The following NAALADL2 variants were observed in gnomAD, a reference collection of about 807,000 sequenced individuals.
The protein encoded by NAALADL2 is inactive N-acetylated-alpha-linked acidic dipeptidase-like protein 2.
A neutral mutation model predicts 87.2 loss-of-function variants in NAALADL2; 76 were observed. The ratio of observed to expected loss-of-function variants is 0.87; its 90% CI spans 0.72 to 1.05. The LOEUF (loss-of-function observed/expected upper bound fraction) is 1.05. Among genes scored for constraint, NAALADL2 ranks in the 50% least tolerant of loss-of-function variants. NAALADL2 has a pLI of 0.00. For missense variants in NAALADL2, 1,089 were observed against 945.8 expected (o/e 1.15, Z -1.99); for synonymous variants, 354 against 331.0 (o/e 1.07, Z -0.75).
In NAALADL2 at chr3:175,096,699, A is replaced by G. The variant is rs1721219239; in HGVS notation, c.44-91A>G. 4 of 706,612 alleles carry G rather than the reference A, an allele frequency of 5.7e-6. No individual in the cohort carries two copies. The South Asian group carries it at 1.5e-4, about 26-fold the overall frequency. 43.8% of individuals were successfully genotyped at this position (706,612 alleles called of 1,614,324 possible). On this transcript the variant is annotated intron_variant, in intron 1 of 13. Coordinates refer to ENST00000454872, the MANE Select transcript of NAALADL2 (RefSeq NM_207015.3). The stretch of plus-strand genomic sequence containing the variant: ...TTTCCCTGTATTATAATCATTAAAC[A>G]CTCAATATGGCTTACTGTTTTGTTT...
chr3:174,899,945 A>G (rs1347642417), intron 1 of NAALADL2, among the ~76,000 whole-genome samples: 2 of 152,136 alleles, frequency 1.3e-5, no homozygotes, highest in Non-Finnish European at 2.9e-5. Context: ...TGTTAGCAAG[A>G]TAAGTGTAGG....
chr3:175,030,542 A>G (rs1313404021), intron 1 of NAALADL2, among the ~76,000 whole-genome samples: 1 of 152,064 alleles, frequency 6.6e-6, no homozygotes, highest in Non-Finnish European at 1.5e-5. Flanking sequence ...GGAAGATTTG[A>G]TAGGATTTTA....
chr3:175,429,474 G>T (rs1318323039), intron 5 of NAALADL2, among the ~76,000 whole-genome samples: 2 of 151,856 alleles, frequency 1.3e-5, no homozygotes, highest in African/African-American at 4.8e-5. Flanking sequence ...TTGCTTAGAA[G>T]GTTTCTGGAG....
At chr3:174,738,675 A>G (rs1408199441) in intron 3 of NAALADL2, among the ~76,000 whole-genome samples, 1 of 152,152 alleles carries the variant, frequency 6.6e-6, no homozygotes, top group Non-Finnish European at 1.5e-5. Context: ...GATTGAATTA[A>G]TTTCTAAGGT....
chr3:175,150,232 A>G (rs1418888130), intron 2 of NAALADL2, among the ~76,000 whole-genome samples: 5 of 152,236 alleles, frequency 3.3e-5, no homozygotes, highest in Admixed American at 3.3e-4. Context: ...TTTAAAAGCC[A>G]TTGAGGTAGG....
chr3:174,462,592 C>G (rs1716281344), intron 1 of NAALADL2, among the ~76,000 whole-genome samples: 1 of 152,048 alleles, frequency 6.6e-6, no homozygotes, highest in African/African-American at 2.4e-5. Flanking sequence ...GATCCGGATT[C>G]AAAATTGCCA....
intron 1 of NAALADL2, among the ~76,000 whole-genome samples, chr3:174,510,430 T>C (rs1719523983): frequency 6.6e-6 from 1 of 152,122 alleles, no homozygotes; most frequent in Non-Finnish European, 1.5e-5. Flanking sequence ...TCTTTGAGAA[T>C]GGTTATTTGT....
intron 2 of NAALADL2, among the ~76,000 whole-genome samples, chr3:174,642,730 T>A (rs9844094): frequency 0.052 from 7,474 of 144,850 alleles, 735 homozygotes; most frequent in African/African-American, 0.18. Context: ...AAAAGTAATA[T>A]CAGTGCCATG....
chr3:175,734,609 G>A (rs750841014), intron 11 of NAALADL2, among the ~76,000 whole-genome samples: 9 of 152,122 alleles, frequency 5.9e-5, no homozygotes, highest in Non-Finnish European at 8.8e-5. Context: ...ACAATTCTTG[G>A]CTTCTGTGTA....
intron 12 of NAALADL2, 77 bp from the exon 13 acceptor site, chr3:175,755,143 A>T: frequency 8.1e-7 from 1 of 1,229,530 alleles, no homozygotes; most frequent in Non-Finnish European, 1.2e-6. Flanking sequence ...CTTATAACTT[A>T]GATTCCTGAT....
intron 1 of NAALADL2, among the ~76,000 whole-genome samples, chr3:174,861,971 G>A (rs1313387522): frequency 3.3e-5 from 5 of 151,700 alleles, no homozygotes; most frequent in African/African-American, 1.2e-4. Flanking sequence ...ATTTTAATTA[G>A]CTTTTCAAAC....
chr3:175,109,934 T>C (rs1723887410), intron 2 of NAALADL2, among the ~76,000 whole-genome samples: 1 of 151,870 alleles, frequency 6.6e-6, no homozygotes, highest in Non-Finnish European at 1.5e-5. Context: ...ATTTGTAACA[T>C]TCCATGTGGA....
At chr3:175,392,562 T>G (rs190020961) in intron 5 of NAALADL2, among the ~76,000 whole-genome samples, 1 of 152,290 alleles carries the variant, frequency 6.6e-6, no homozygotes, top group East Asian at 1.9e-4. Context: ...AAATAAAATT[T>G]ATTTCCCTCA....
At chr3:174,816,314 T>C (rs949692293) in intron 3 of NAALADL2, among the ~76,000 whole-genome samples, 1 of 151,462 alleles carries the variant, frequency 6.6e-6, no homozygotes, top group Admixed American at 6.6e-5. Flanking sequence ...TCTCTTTCTA[T>C]GTATAATGCT....
At chr3:175,342,505 C>G (rs976006682) in intron 5 of NAALADL2, among the ~76,000 whole-genome samples, 3 of 146,620 alleles carry the variant, frequency 2.0e-5, no homozygotes, top group Non-Finnish European at 3.0e-5. Context: ...CCAAATATTG[C>G]GTGTGTGTGT....
intron 11 of NAALADL2, among the ~76,000 whole-genome samples, chr3:175,705,236 G>T (rs555920250): frequency 8.5e-5 from 13 of 152,208 alleles, no homozygotes; most frequent in African/African-American, 2.9e-4. Context: ...GGAAAATGAG[G>T]TCCATAGAGT....
intron 2 of NAALADL2, among the ~76,000 whole-genome samples, chr3:174,686,986 A>G (rs1728106626): frequency 6.6e-6 from 1 of 152,054 alleles, no homozygotes; most frequent in Non-Finnish European, 1.5e-5. Flanking sequence ...TTTTTTAGTC[A>G]TTACATCAGG....
chr3:174,882,496 CAT>C (rs999354404), intron 1 of NAALADL2, among the ~76,000 whole-genome samples: 13 of 149,962 alleles, frequency 8.7e-5, no homozygotes, highest in Non-Finnish European at 1.3e-4. Flanking sequence ...TGTGCATATA[CAT>C]ATATGTGTAT....
At chr3:174,515,529 T>A (rs1404684507) in intron 1 of NAALADL2, among the ~76,000 whole-genome samples, 1 of 152,178 alleles carries the variant, frequency 6.6e-6, no homozygotes, top group East Asian at 1.9e-4. Context: ...GGCTTGTCAC[T>A]CTTGCTAGGC....
Sources: gnomAD v4.1 joint callset for allele counts (sites outside exome capture counted in the v4.1 genomes callset) on GRCh38, gnomAD v4.1.1 for gene constraint, MANE v1.5 for transcripts, NCBI Gene and HGNC (gene_info 2026-07-23, HGNC 2026-07-21) for gene names.